DPP6: variants seen among roughly 807,000 people sequenced by gnomAD.
DPP6 encodes the protein dipeptidyl peptidase like 6, also known as A-type potassium channel modulatory protein DPP6.
A neutral mutation model predicts 122.6 loss-of-function variants in DPP6; 69 were observed. The ratio of observed to expected loss-of-function variants is 0.56; its 90% CI spans 0.46 to 0.69. The LOEUF (loss-of-function observed/expected upper bound fraction) is 0.69. Among genes scored for constraint, DPP6 ranks in the 30% least tolerant of loss-of-function variants. The probability of loss-of-function intolerance (pLI) is 0.00; values close to 1 mark genes in which losing one functional copy is unlikely to be tolerated. For synonymous variants in DPP6, 418 were observed against 433.1 expected (o/e 0.97, Z 0.43); for missense variants, 928 against 1,116.9 (o/e 0.83, Z 2.41).
intron 1 of DPP6, among the ~76,000 whole-genome samples, chr7:154,053,826 C>T (rs927716563): frequency 3.1e-4 from 46 of 147,462 alleles, no homozygotes; most frequent in African/African-American, 1.1e-3. Context: ...GGCTGGAAGC[C>T]TGGGTTTCAA....
At chr7:154,188,781 A>G (rs1798476593) in intron 1 of DPP6, among the ~76,000 whole-genome samples, 1 of 152,256 alleles carries the variant, frequency 6.6e-6, no homozygotes, top group African/African-American at 2.4e-5. Context: ...GTACTTAAAT[A>G]TGCAAACCTA....
the DPP6 span, among the ~76,000 whole-genome samples, chr7:153,752,010 C>G: frequency 3.3e-5 from 5 of 152,246 alleles, no homozygotes; most frequent in East Asian, 9.7e-4. Flanking sequence ...CCTAAGGTAC[C>G]AGTGTCATTT....
At chr7:153,928,481 A>T (rs1801025720) in intron 1 of DPP6, among the ~76,000 whole-genome samples, 1 of 133,106 alleles carries the variant, frequency 7.5e-6, no homozygotes, top group Admixed American at 9.1e-5. Flanking sequence ...ACCTCAGGTG[A>T]TCTGCCCACC....
At chr7:153,927,658 A>C (rs932422642) in intron 1 of DPP6, among the ~76,000 whole-genome samples, 5 of 152,186 alleles carry the variant, frequency 3.3e-5, no homozygotes, top group Non-Finnish European at 5.9e-5. Context: ...TTTATTGTGG[A>C]TGAGTTAGAA....
intron 10 of DPP6, among the ~76,000 whole-genome samples, chr7:154,788,785 C>T (rs1317960661): frequency 6.6e-6 from 1 of 152,178 alleles, no homozygotes; most frequent in East Asian, 1.9e-4. Flanking sequence ...TCTGTAGCCA[C>T]TCTGGTTTCT....
intron 1 of DPP6, among the ~76,000 whole-genome samples, chr7:154,041,325 G>T (rs1447185955): frequency 6.6e-6 from 1 of 152,184 alleles, no homozygotes; most frequent in East Asian, 1.9e-4. Context: ...CAAATAATCA[G>T]GTGGGAAGGC....
intron 1 of DPP6, among the ~76,000 whole-genome samples, chr7:153,921,172 A>G (rs1256085848): frequency 2.6e-5 from 4 of 152,290 alleles, no homozygotes; most frequent in Admixed American, 1.3e-4. Context: ...TATTTTAGGT[A>G]CAGGCTGTGC....
intron 2 of DPP6, among the ~76,000 whole-genome samples, chr7:154,463,502 C>A (rs1052778939): frequency 6.6e-6 from 1 of 152,108 alleles, no homozygotes; most frequent in Non-Finnish European, 1.5e-5. Flanking sequence ...CCACCGCGCC[C>A]AGCCTACTTC....
chr7:154,101,126 C>T (rs1805698937), intron 1 of DPP6, among the ~76,000 whole-genome samples: 1 of 137,548 alleles, frequency 7.3e-6, no homozygotes, highest in Admixed American at 7.4e-5. Flanking sequence ...AACCTGAATG[C>T]CATGTGGTGT....
intron 3 of DPP6, among the ~76,000 whole-genome samples, chr7:154,539,393 G>A (rs921224930): frequency 7.2e-5 from 11 of 151,908 alleles, no homozygotes; most frequent in African/African-American, 1.9e-4. Context: ...AAATTTCTTG[G>A]TGTACGCATG....
the DPP6 span, among the ~76,000 whole-genome samples, chr7:153,803,746 A>G: frequency 6.6e-6 from 1 of 151,406 alleles, no homozygotes; most frequent in Non-Finnish European, 1.5e-5. Context: ...ATCTCCTTTT[A>G]TATAAATTAT....
In DPP6 at chr7:154,637,922, T is replaced by C. The variant is rs749990311; in HGVS notation, c.680+49T>C. On this transcript the variant is annotated intron_variant, in intron 6 of 25. Coordinates refer to ENST00000377770, the MANE Select transcript of DPP6 (RefSeq NM_130797.4). ...TTAATTAGAAATATGCAGGGCAAAG[T>C]GAAGGGTAGAACATGGACGAGCTGT... 8 of 1,541,568 alleles carry C rather than the reference T, an allele frequency of 5.2e-6. No individual in the cohort carries two copies. In the South Asian group the frequency reaches 9.8e-5, roughly 19 times the overall value.
chr7:154,676,145 C>A (rs1838884166), intron 7 of DPP6, among the ~76,000 whole-genome samples: 1 of 145,880 alleles, frequency 6.9e-6, no homozygotes, highest in Non-Finnish European at 1.5e-5. Flanking sequence ...GTCCAGCTGT[C>A]CTAACCATGT....
intron 16 of DPP6, among the ~76,000 whole-genome samples, chr7:154,830,956 G>A (rs868087609): frequency 4.6e-5 from 7 of 152,168 alleles, no homozygotes; most frequent in Middle Eastern, 3.2e-3. Context: ...ACCGATTCTC[G>A]CAGCATGGCT....
chr7:154,307,760 CTTTAT>C (rs1409221319), intron 1 of DPP6, among the ~76,000 whole-genome samples: 3 of 151,852 alleles, frequency 2.0e-5, no homozygotes, highest in Non-Finnish European at 4.4e-5. Flanking sequence ...GTTCTCCATT[CTTTAT>C]TTTATTTTAT....
chr7:154,217,476 C>T (rs188077206), intron 1 of DPP6, among the ~76,000 whole-genome samples: 1 of 152,222 alleles, frequency 6.6e-6, no homozygotes, highest in East Asian at 1.9e-4. Flanking sequence ...GTAAATTGGG[C>T]AGTAAGATTC....
chr7:154,148,121 T>C (rs1316599388), intron 1 of DPP6, among the ~76,000 whole-genome samples: 1 of 147,220 alleles, frequency 6.8e-6, no homozygotes, highest in Admixed American at 6.6e-5. Flanking sequence ...TAGTGAGCCA[T>C]GGCTTCCCTG....
intron 21 of DPP6, 180 bp from the exon 22 acceptor site, chr7:154,885,453 A>G (rs911379105): frequency 2.6e-6 from 2 of 776,722 alleles, no homozygotes; most frequent in Non-Finnish European, 4.0e-6. Context: ...CTGAGTTGGA[A>G]GGGAGTTTGC....
intron 1 of DPP6, among the ~76,000 whole-genome samples, chr7:154,307,117 G>T (rs1393143494): frequency 6.6e-6 from 1 of 152,112 alleles, no homozygotes; most frequent in African/African-American, 2.4e-5. Flanking sequence ...CAAGGATTGG[G>T]AGTCAGAAGC....
Sources: allele counts gnomAD v4.1 joint callset (sites outside exome capture counted in the v4.1 genomes callset), GRCh38; gene constraint gnomAD v4.1.1; transcripts MANE v1.5; gene names NCBI Gene and HGNC (gene_info 2026-07-23, HGNC 2026-07-21).